DGLUCY: variants seen among roughly 807,000 people sequenced by gnomAD.
DGLUCY encodes the protein D-glutamate cyclase, also known as D-glutamate cyclase, mitochondrial.
A neutral mutation model predicts 58.5 loss-of-function variants in DGLUCY; 58 were observed. That is an observed-to-expected ratio of 0.99 (90% CI 0.80 to 1.23). The LOEUF (loss-of-function observed/expected upper bound fraction) is 1.23. DGLUCY is among the 50% of genes most tolerant of loss of function. The pLI is 0.00. For synonymous variants in DGLUCY, 325 were observed against 314.1 expected, an observed-to-expected ratio of 1.03 and a Z score of -0.37; for missense variants, 779 against 784.7, an observed-to-expected ratio of 0.99 and a Z score of 0.09.
intron 1 of DGLUCY, among the ~76,000 whole-genome samples, chr14:91,087,085 A>G (rs2044234293): frequency 6.6e-6 from 1 of 152,216 alleles, no homozygotes; most frequent in South Asian, 2.1e-4. Context: ...AGAGGTGAAC[A>G]GAGTCTAGAA....
At chr14:91,175,804 TC>T (rs1006624576) in intron 6 of DGLUCY, 129 bp from the exon 7 acceptor site, 1 of 1,078,990 alleles carries the variant, frequency 9.3e-7, no homozygotes, top group African/African-American at 1.6e-5. Flanking sequence ...CTTCACCTCT[TC>T]CTCAAATACC....
At chr14:91,197,528 C>A (rs1197888655) in intron 10 of DGLUCY, among the ~76,000 whole-genome samples, 4 of 152,228 alleles carry the variant, frequency 2.6e-5, no homozygotes, top group Non-Finnish European at 5.9e-5. Flanking sequence ...AGTCTGTGCT[C>A]CATTCAAAGA....
chr14:91,172,425 A>G lies in DGLUCY; in HGVS notation c.457-864A>G, dbSNP rs150336214. On this transcript the variant is annotated intron_variant, in intron 5 of 13. Transcript: ENST00000256324. ...CAACTCACATTTAGCATTTCCTTCA[A>G]TTATGAATGTAGGCAGCAAATGGCT... is the stretch of plus-strand genomic sequence containing the variant. Among the ~76,000 whole-genome samples the G allele has an allele frequency of 2.8e-3, 419 of 152,262 alleles. 1 individual carries two copies. Among genetic ancestry groups the G allele is most frequent in the African/African-American group, 9.4e-3 (392 of 41,546 alleles).
At chr14:91,127,034 G>T (rs1424093311) in intron 1 of DGLUCY, among the ~76,000 whole-genome samples, 1 of 147,334 alleles carries the variant, frequency 6.8e-6, no homozygotes, top group East Asian at 2.0e-4. Context: ...ATTCTTCTCA[G>T]TCAGGCCTTG....
At chr14:91,123,116 C>T (rs1272151707) in intron 1 of DGLUCY, among the ~76,000 whole-genome samples, 1 of 152,102 alleles carries the variant, frequency 6.6e-6, no homozygotes, top group Admixed American at 6.6e-5. Flanking sequence ...TCGGCCCACA[C>T]CACCTTAGTT....
In DGLUCY at chr14:91,182,298, G is replaced by C. The variant is rs1342186724; in HGVS notation, c.934+909G>C. Among the ~76,000 whole-genome samples the C allele has an allele frequency of 2.8e-5, 4 of 144,906 alleles. 1 individual carries two copies. In the East Asian group the frequency reaches 7.7e-4, roughly 28 times the overall value. On this transcript the variant is annotated intron_variant, in intron 8 of 13. Transcript: ENST00000256324. The stretch of plus-strand genomic sequence containing the variant: ...GTCCAGTAGTTTTTGGCTTTTTCTT[G>C]TTGTTCTAAACTTTAACACTAAACG...
In DGLUCY at chr14:91,127,053, CTTTTTT is replaced by C. The variant is rs11407228; in HGVS notation, c.-82+12786_-82+12791del. 9.2e-4 allele frequency among the ~76,000 whole-genome samples: 90 copies of C among 98,346 alleles called. 1 individual carries two copies. The Middle Eastern group carries it at 0.031, about 34-fold the overall frequency. The allele number at this position is 98,346 out of a possible 152,430, so 64.5% of individuals were successfully genotyped here. A position where few individuals can be genotyped will look rare whatever the true frequency, so the allele number is the denominator to read the frequency against. ...TTCTCAGTCAGGCCTTGATGATACT[CTTTTTT>C]TTTTTTTTTTTTTTTGAGATAGAAT... On this transcript the variant is annotated intron_variant, in intron 1 of 13. Transcript: ENST00000256324.
chr14:91,209,600 C>T (rs569945256), intron 12 of DGLUCY, among the ~76,000 whole-genome samples: 13 of 152,128 alleles, frequency 8.5e-5, no homozygotes, highest in African/African-American at 3.1e-4. Flanking sequence ...CCCAGCTACT[C>T]AGCAGGCTGA....
intron 10 of DGLUCY, among the ~76,000 whole-genome samples, chr14:91,199,481 G>A (rs951605809): frequency 4.5e-5 from 2 of 44,754 alleles, no homozygotes; most frequent in South Asian, 1.4e-3. Flanking sequence ...TCGAACTCCT[G>A]ACCTCAAGTG....
At chr14:91,163,308 C>T (rs2048097340) in intron 3 of DGLUCY, among the ~76,000 whole-genome samples, 1 of 152,122 alleles carries the variant, frequency 6.6e-6, no homozygotes, top group South Asian at 2.1e-4. Flanking sequence ...GGGGCTTTGG[C>T]AGTAAGAAGC....
chr14:91,199,505 G>C (rs540150837), intron 10 of DGLUCY, among the ~76,000 whole-genome samples: 1 of 151,862 alleles, frequency 6.6e-6, no homozygotes, highest in Non-Finnish European at 1.5e-5. Context: ...CACCTGCTTC[G>C]GCCTCCCAAA....
chr14:91,203,681 T>G (rs866454368), intron 11 of DGLUCY, among the ~76,000 whole-genome samples: 2,148 of 10,170 alleles, frequency 0.21, 49 homozygotes, highest in African/African-American at 0.25. Context: ...TTGTGTGTTT[T>G]TTTTTTTTTT....
chr14:91,154,635 G>A (rs555614904), intron 1 of DGLUCY, among the ~76,000 whole-genome samples: 1 of 152,244 alleles, frequency 6.6e-6, no homozygotes, highest in East Asian at 1.9e-4. Flanking sequence ...TGATTTTGGG[G>A]TCTCAAGATT....
At chr14:91,177,529 T>G (rs2048928712) in intron 7 of DGLUCY, among the ~76,000 whole-genome samples, 2 of 152,254 alleles carry the variant, frequency 1.3e-5, no homozygotes, top group African/African-American at 4.8e-5. Flanking sequence ...GATATTACAA[T>G]GAAGAGACAC....
intron 1 of DGLUCY, among the ~76,000 whole-genome samples, chr14:91,088,627 G>A (rs926753386): frequency 6.6e-6 from 1 of 152,184 alleles, no homozygotes; most frequent in Non-Finnish European, 1.5e-5. Flanking sequence ...TAGGGGTTGT[G>A]GTCAGGGAGA....
intron 8 of DGLUCY, among the ~76,000 whole-genome samples, chr14:91,183,835 T>C (rs1461138368): frequency 6.6e-6 from 1 of 152,156 alleles, no homozygotes; most frequent in Non-Finnish European, 1.5e-5. Context: ...ATGGAAACGG[T>C]AAGTCACAGT....
chr14:91,188,903 A>T lies in DGLUCY; in HGVS notation c.935-7A>T. On this transcript the variant is annotated splice_polypyrimidine_tract_variant and splice_region_variant and intron_variant, in intron 8 of 13. Coordinates refer to ENST00000256324, the MANE Select transcript of DGLUCY (RefSeq NM_001102368.3). The stretch of plus-strand genomic sequence containing the variant: ...GTTACTTTTACATTCTATTTTTGTC[A>T]TTTCAGGGAACCGGGGGATTGGGCA... The T allele has an allele frequency of 6.2e-7, 1 of 1,608,258 alleles. No homozygotes were observed. Among genetic ancestry groups the T allele is most frequent in the African/African-American group, 1.3e-5 (1 of 74,660 alleles).
At chr14:91,079,007 G>T (rs1297809809) in intron 1 of DGLUCY, among the ~76,000 whole-genome samples, 1 of 151,476 alleles carries the variant, frequency 6.6e-6, no homozygotes, top group African/African-American at 2.4e-5. Context: ...GGATTCAAGC[G>T]ATTCTCCTGC....
At position 91,148,330 on chromosome 14, in the gene DGLUCY, A is replaced by G. The variant is rs1292059329; in HGVS notation, c.-81-9309A>G. On this transcript the variant is annotated intron_variant, in intron 1 of 13. Coordinates refer to ENST00000256324, the MANE Select transcript of DGLUCY (RefSeq NM_001102368.3). ...AGCGATATTCCTACCTCAGCCTCCCAAGTAGCTGGGACCACAGGTGTGTAC... is the reference window on the plus strand; with the variant it reads ...AGCGATATTCCTACCTCAGCCTCCCGAGTAGCTGGGACCACAGGTGTGTAC... Among the ~76,000 whole-genome samples the G allele has an allele frequency of 2.6e-5, 4 of 151,298 alleles. No individual in the cohort carries two copies. In the East Asian group the frequency reaches 8.1e-4, roughly 31 times the overall value.
Sources: allele counts gnomAD v4.1 joint callset (sites outside exome capture counted in the v4.1 genomes callset), GRCh38; gene constraint gnomAD v4.1.1; transcripts MANE v1.5; gene names NCBI Gene and HGNC (gene_info 2026-07-23, HGNC 2026-07-21).